ARHGAP26: variants seen among roughly 807,000 people sequenced by gnomAD.
ARHGAP26 encodes the protein rho GTPase-activating protein 26.
A neutral mutation model predicts 104.8 loss-of-function variants in ARHGAP26; 38 were observed. The observed-to-expected ratio is 0.36, with a 90% CI of 0.28 to 0.48. The LOEUF (loss-of-function observed/expected upper bound fraction) is 0.48, where lower values mean the gene tolerates loss of function less well. Ranked by LOEUF, ARHGAP26 falls within the 20% of genes least tolerant of loss-of-function variation. ARHGAP26 has a pLI of 0.99. For missense variants in ARHGAP26, 704 were observed against 947.9 expected (o/e 0.74, Z 3.38); for synonymous variants, 341 against 340.0 (o/e 1.00, Z -0.03).
intron 20 of ARHGAP26, among the ~76,000 whole-genome samples, chr5:143,166,756 T>G (rs1247241087): frequency 6.6e-6 from 1 of 152,222 alleles, no homozygotes; most frequent in Non-Finnish European, 1.5e-5. Context: ...CACAGTGAAC[T>G]GGGTTACCAA....
intron 17 of ARHGAP26, among the ~76,000 whole-genome samples, chr5:143,104,982 A>G (rs935902106): frequency 1.3e-5 from 2 of 152,244 alleles, no homozygotes; most frequent in African/African-American, 4.8e-5. Flanking sequence ...ATTCCACAGT[A>G]AATACTTTCA....
intron 17 of ARHGAP26, among the ~76,000 whole-genome samples, chr5:143,093,656 CCTCT>C (rs766383973): frequency 3.8e-4 from 58 of 150,674 alleles, no homozygotes; most frequent in Admixed American, 1.4e-3. Flanking sequence ...CTCTTTCTTT[CCTCT>C]CTCTCTCTCT....
intron 20 of ARHGAP26, among the ~76,000 whole-genome samples, chr5:143,183,073 C>CAAAAAAAAAAAAAAAAAAAAAA (rs70991799): frequency 1.1e-5 from 1 of 89,962 alleles, no homozygotes. Context: ...TGAAAAGTGG[C>CAAAAAAAAAAAAAAAAAAAAAA]AAAAAAAAAA....
chr5:142,976,363 T>C (rs921682228), intron 11 of ARHGAP26, among the ~76,000 whole-genome samples: 1 of 152,198 alleles, frequency 6.6e-6, no homozygotes, highest in African/African-American at 2.4e-5. Context: ...GTAGAGGATC[T>C]ACTGCTTCTG....
chr5:143,012,548 C>CATATATATATAT lies in ARHGAP26; in HGVS notation c.1108-1529_1108-1528insTATATATATATA, dbSNP rs1414408846. On this transcript the variant is annotated intron_variant, in intron 11 of 22. Transcript: ENST00000645722. ...CTGGAGGGATATATTTATATACATA[C>CATATATATATAT]ATACATATATATATATATATATATA... Among the ~76,000 whole-genome samples the CATATATATATAT allele has an allele frequency of 1.0e-3, 24 of 23,318 alleles. 2 individuals carry two copies. The highest frequency in any genetic ancestry group is 3.6e-3 in the Admixed American group (5 of 1,384). The allele number at this position is 23,318 out of a possible 152,430, so 15.3% of individuals were successfully genotyped here. A position where few individuals can be genotyped will look rare whatever the true frequency, so the allele number is the denominator to read the frequency against.
intron 19 of ARHGAP26, among the ~76,000 whole-genome samples, chr5:143,145,023 C>A (rs1395756265): frequency 6.6e-6 from 1 of 152,134 alleles, no homozygotes; most frequent in African/African-American, 2.4e-5. Flanking sequence ...CAAGGGATAC[C>A]AATAAAGAGT....
intron 11 of ARHGAP26, among the ~76,000 whole-genome samples, chr5:142,937,997 G>C (rs1274176313): frequency 6.6e-6 from 1 of 152,078 alleles, no homozygotes; most frequent in Non-Finnish European, 1.5e-5. Flanking sequence ...AAGTAGTTAT[G>C]AGAAACTGCA....
intron 13 of ARHGAP26, among the ~76,000 whole-genome samples, chr5:143,038,845 A>G (rs758763823): frequency 2.0e-5 from 3 of 151,492 alleles, no homozygotes; most frequent in Non-Finnish European, 4.4e-5. Context: ...ACGGGCACAC[A>G]CCACCACGTC....
intron 1 of ARHGAP26, among the ~76,000 whole-genome samples, chr5:142,872,910 C>T (rs1004861877): frequency 2.0e-5 from 3 of 152,174 alleles, no homozygotes; most frequent in Admixed American, 2.0e-4. Context: ...CAGTTCCCAG[C>T]CCCTCCTTCC....
At chr5:143,040,389 G>A (rs1313865414) in intron 13 of ARHGAP26, among the ~76,000 whole-genome samples, 2 of 151,750 alleles carry the variant, frequency 1.3e-5, no homozygotes, top group African/African-American at 4.8e-5. Flanking sequence ...GTCCTTTCCT[G>A]AGTTTCTTTT....
At chr5:142,920,316 A>C (rs1199374793) in intron 10 of ARHGAP26, among the ~76,000 whole-genome samples, 3 of 152,220 alleles carry the variant, frequency 2.0e-5, no homozygotes, top group Non-Finnish European at 4.4e-5. Context: ...GTCTTAAGGA[A>C]ATTCATGAGC....
intron 11 of ARHGAP26, among the ~76,000 whole-genome samples, chr5:142,951,016 TC>T (rs1768282894): frequency 1.4e-5 from 2 of 145,118 alleles, no homozygotes; most frequent in East Asian, 4.0e-4. Flanking sequence ...CCTTTCCCTT[TC>T]CCTTTCTCTT....
At chr5:143,095,892 A>T (rs1286996238) in intron 17 of ARHGAP26, among the ~76,000 whole-genome samples, 1 of 152,182 alleles carries the variant, frequency 6.6e-6, no homozygotes, top group African/African-American at 2.4e-5. Flanking sequence ...TTCTTCACTC[A>T]ATCTATTGTC....
At chr5:142,993,786 C>T (rs1341202345) in intron 11 of ARHGAP26, among the ~76,000 whole-genome samples, 1 of 151,928 alleles carries the variant, frequency 6.6e-6, no homozygotes. Flanking sequence ...GCTAGGACTA[C>T]AGGTGCATGC....
Position 143,120,705 on chromosome 5 carries a change from A to G in ARHGAP26, c.1539-283A>G, listed in dbSNP as rs532489490. 3.9e-4 allele frequency among the ~76,000 whole-genome samples: 59 copies of G among 152,318 alleles called. 1 individual carries two copies. Among genetic ancestry groups the G allele is most frequent in the Middle Eastern group, 3.4e-3 (1 of 294 alleles). On this transcript the variant is annotated intron_variant, in intron 17 of 22. Transcript: ENST00000645722. ...TGCAAAACAGGGATTCAGATGTTCA[A>G]AGGTTAGTAATTTGGCAGATAGTTG...
intron 20 of ARHGAP26, among the ~76,000 whole-genome samples, chr5:143,192,906 A>G (rs1256640907): frequency 6.6e-6 from 1 of 152,168 alleles, no homozygotes. Flanking sequence ...CCCTAAGCCA[A>G]TACATTTTAT....
intron 1 of ARHGAP26, among the ~76,000 whole-genome samples, chr5:142,817,434 G>T (rs1054894669): frequency 3.3e-5 from 5 of 152,232 alleles, no homozygotes; most frequent in African/African-American, 1.2e-4. Context: ...GTGCAGAACA[G>T]TCAGAGATAA....
At chr5:142,791,969 A>C (rs941322728) in intron 1 of ARHGAP26, among the ~76,000 whole-genome samples, 1 of 150,212 alleles carries the variant, frequency 6.7e-6, no homozygotes, top group Non-Finnish European at 1.5e-5. Flanking sequence ...AAAAGGTGTT[A>C]AGTTTTGACA....
At chr5:142,924,268 C>G (rs756946290) in intron 10 of ARHGAP26, among the ~76,000 whole-genome samples, 30 of 152,052 alleles carry the variant, frequency 2.0e-4, no homozygotes, top group Admixed American at 1.3e-4. Flanking sequence ...TTCTTCTTCT[C>G]CTTAAGATGC....
Sources: gnomAD v4.1 joint callset for allele counts (sites outside exome capture counted in the v4.1 genomes callset) on GRCh38, gnomAD v4.1.1 for gene constraint, MANE v1.5 for transcripts, NCBI Gene and HGNC (gene_info 2026-07-23, HGNC 2026-07-21) for gene names.